Variants in PTPN3 observed in about 807,000 individuals in gnomAD.
The protein encoded by PTPN3 is tyrosine-protein phosphatase non-receptor type 3.
A neutral mutation model predicts 132.7 loss-of-function variants in PTPN3; 96 were observed. That is an observed-to-expected ratio of 0.72 (90% confidence interval 0.61 to 0.86). The LOEUF is 0.86. Among genes scored for constraint, PTPN3 ranks in the 40% least tolerant of loss-of-function variants. The pLI is 0.00. For synonymous variants in PTPN3, 398 were observed against 429.0 expected (o/e 0.93, Z 0.89); for missense variants, 1,125 against 1,159.6 (o/e 0.97, Z 0.43).
At position 109,388,717 on chromosome 9, in the gene PTPN3, C is replaced by A. The variant is rs137904218; in HGVS notation, c.2253+516G>T. Among the ~76,000 whole-genome samples, 144 of 152,258 alleles carry A rather than the reference C, an allele frequency of 9.5e-4. 1 individual carries two copies. The highest frequency in any genetic ancestry group is 6.8e-3 in the Middle Eastern group (2 of 294). On this transcript the variant is annotated intron_variant, in intron 22 of 25. Transcript: ENST00000374541. ...GGGTTATCAGCCCTAAGACAAGAGA[C>A]CATTGCTGGGCGGTGGGGGCTCCCT...
upstream of PTPN3, among the ~76,000 whole-genome samples, chr9:109,499,209 GAA>G (rs1847813114): frequency 6.6e-6 from 1 of 152,090 alleles, no homozygotes; most frequent in African/African-American, 2.4e-5. Context: ...GTTCTAAGAG[GAA>G]AAAGAGCAGG....
chr9:109,391,878 G>A (rs900842517), intron 19 of PTPN3, among the ~76,000 whole-genome samples: 1 of 99,444 alleles, frequency 1.0e-5, no homozygotes, highest in African/African-American at 3.9e-5. Context: ...TGTGGGGGGG[G>A]GGGGGAAGAA....
At chr9:109,458,963 C>T (rs1423154312) in intron 2 of PTPN3, among the ~76,000 whole-genome samples, 1 of 152,208 alleles carries the variant, frequency 6.6e-6, no homozygotes, top group Non-Finnish European at 1.5e-5. Context: ...GTGTAGTAGT[C>T]ATCACCATCT....
chr9:109,454,824 A>C (rs984536352), intron 4 of PTPN3, among the ~76,000 whole-genome samples: 1 of 152,220 alleles, frequency 6.6e-6, no homozygotes, highest in Non-Finnish European at 1.5e-5. Context: ...CGTTTATCTT[A>C]GGGCTGTGTT....
chr9:109,406,972 G>A (rs1041753462), intron 17 of PTPN3, among the ~76,000 whole-genome samples: 3 of 152,150 alleles, frequency 2.0e-5, no homozygotes, highest in Non-Finnish European at 4.4e-5. Flanking sequence ...TGATTTGCCA[G>A]CTAGAGGTGA....
intron 1 of PTPN3, among the ~76,000 whole-genome samples, chr9:109,494,081 T>C (rs547143157): frequency 1.1e-4 from 17 of 152,286 alleles, no homozygotes; most frequent in East Asian, 5.8e-4. Flanking sequence ...ACAAGGAGAA[T>C]AGGCACTTAG....
At chr9:109,451,119 TG>T in intron 5 of PTPN3, 1 of 968,036 alleles carries the variant, frequency 1.0e-6, no homozygotes, top group South Asian at 4.8e-5. Flanking sequence ...CAGCTAGTCG[TG>T]GTGGTATGTG....
At chr9:109,504,745 G>A in the PTPN3 span, among the ~76,000 whole-genome samples, 2 of 152,182 alleles carry the variant, frequency 1.3e-5, no homozygotes, top group Non-Finnish European at 2.9e-5. Context: ...AAACAGAAAC[G>A]TAAGTGTAGG....
intron 5 of PTPN3, chr9:109,451,107 G>A: frequency 1.0e-6 from 1 of 971,844 alleles, no homozygotes; most frequent in African/African-American, 1.8e-5. Context: ...AAGATGATCT[G>A]GCAGCTAGTC....
intron 19 of PTPN3, among the ~76,000 whole-genome samples, chr9:109,398,373 C>T (rs1339275976): frequency 6.6e-6 from 1 of 152,212 alleles, no homozygotes; most frequent in Non-Finnish European, 1.5e-5. Flanking sequence ...GCTACCTCTG[C>T]CCTTCCAAAT....
intron 12 of PTPN3, among the ~76,000 whole-genome samples, chr9:109,426,192 T>C (rs1014919607): frequency 6.7e-6 from 1 of 150,342 alleles, no homozygotes; most frequent in Non-Finnish European, 1.5e-5. Flanking sequence ...AAAATGTATA[T>C]ACGAATTATA....
At chr9:109,406,912 A>G (rs1325047974) in intron 17 of PTPN3, among the ~76,000 whole-genome samples, 1 of 152,224 alleles carries the variant, frequency 6.6e-6, no homozygotes, top group African/African-American at 2.4e-5. Flanking sequence ...TTATTATAAT[A>G]TAACTATACC....
the PTPN3 span, among the ~76,000 whole-genome samples, chr9:109,516,900 T>G: frequency 1.3e-5 from 2 of 152,210 alleles, no homozygotes; most frequent in East Asian, 3.9e-4. Flanking sequence ...GGTGACACCA[T>G]TCATTTAGGT....
chr9:109,422,573 A>G (rs1842952201), intron 13 of PTPN3, 145 bp downstream of exon 13: 2 of 950,616 alleles, frequency 2.1e-6, no homozygotes, highest in Middle Eastern at 3.4e-4. Context: ...TGTGTACTTC[A>G]TGAAAACAGT....
chr9:109,392,507 G>A (rs1840212036), intron 19 of PTPN3: 1 of 151,974 alleles, frequency 6.6e-6, no homozygotes, highest in African/African-American at 2.4e-5. Context: ...GTGCCTACAT[G>A]AACACAAATG....
In PTPN3 at chr9:109,468,928, G is replaced by A. The variant is rs556044860; in HGVS notation, c.-17-5477C>T. ...TCAAACGACTTACAGATATATGAAT[G>A]TTCCATTTCTTAAAGTTTTATGTAT... On this transcript the variant is annotated intron_variant, in intron 1 of 25. Coordinates refer to ENST00000374541, the MANE Select transcript of PTPN3 (RefSeq NM_002829.4). Among the ~76,000 whole-genome samples the A allele has an allele frequency of 5.3e-5, 8 of 152,366 alleles. 1 individual carries two copies. Among genetic ancestry groups the A allele is most frequent in the African/African-American group, 7.2e-5 (3 of 41,590 alleles).
Position 109,465,916 on chromosome 9 carries a change from A to T in PTPN3, c.-17-2465T>A, listed in dbSNP as rs923597049. Among the ~76,000 whole-genome samples, 3 of 152,056 alleles carry T rather than the reference A, an allele frequency of 2.0e-5. No homozygotes were observed. The East Asian group carries it at 5.8e-4, about 29-fold the overall frequency. ...TGCATAGGCTATTCCTTCTGCTTGC[A>T]AAGCTCTTTCTGCTCCTCTTCATCT... On this transcript the variant is annotated intron_variant, in intron 1 of 25. Coordinates refer to ENST00000374541, the MANE Select transcript of PTPN3 (RefSeq NM_002829.4).
At chr9:109,425,053 TA>T (rs1403607777) in intron 12 of PTPN3, among the ~76,000 whole-genome samples, 1 of 152,174 alleles carries the variant, frequency 6.6e-6, no homozygotes, top group Non-Finnish European at 1.5e-5. Flanking sequence ...AGGCCCAACC[TA>T]AGTCAATGAT....
intron 14 of PTPN3, among the ~76,000 whole-genome samples, chr9:109,418,093 C>G (rs778467176): frequency 6.6e-6 from 1 of 152,242 alleles, no homozygotes; most frequent in Non-Finnish European, 1.5e-5. Flanking sequence ...GACTGCAGAC[C>G]ACAGGAGGAA....
Sources: gnomAD v4.1 joint callset for allele counts (sites outside exome capture counted in the v4.1 genomes callset) on GRCh38, gnomAD v4.1.1 for gene constraint, MANE v1.5 for transcripts, NCBI Gene and HGNC (gene_info 2026-07-23, HGNC 2026-07-21) for gene names.